The following PDCD6 variants were observed in gnomAD, a reference collection of about 807,000 sequenced individuals.
PDCD6 encodes programmed cell death 6.
In PDCD6, 12 loss-of-function variants were observed where a neutral mutation model predicts 28.3. The observed-to-expected ratio is 0.42, with a 90% CI of 0.27 to 0.69. The LOEUF is 0.69. Ranked by LOEUF, PDCD6 falls within the 30% of genes least tolerant of loss-of-function variation. The probability of loss-of-function intolerance (pLI) is 0.22; values close to 1 mark genes in which losing one functional copy is unlikely to be tolerated. For synonymous variants in PDCD6, 92 were observed against 108.0 expected, an observed-to-expected ratio of 0.85 and a Z score of 0.92; for missense variants, 226 against 269.9, an observed-to-expected ratio of 0.84 and a Z score of 1.14.
chr5:314,339 G>A (rs934101317), intron 5 of PDCD6, 78 bp from the exon 6 acceptor site: 39 of 1,007,060 alleles, frequency 3.9e-5, no homozygotes, highest in African/African-American at 3.2e-4. Flanking sequence ...CTGAAATTGG[G>A]TCCCTACATG....
chr5:271,829 C>G lies in PDCD6; in HGVS notation c.101+8C>G, dbSNP rs1737821733. On this transcript the variant is annotated splice_region_variant and intron_variant, in intron 1 of 5. Coordinates refer to ENST00000264933, the MANE Select transcript of PDCD6 (RefSeq NM_013232.4). ...GTGGAACGTTTTCCAGAGGTGCGGC[C>G]TGGCACCGCCCGGGCACCTCCCGCC... is the stretch of plus-strand genomic sequence containing the variant. 7.9e-6 allele frequency: 11 copies of G among 1,392,874 alleles called. No individual in the cohort carries two copies. The highest frequency in any genetic ancestry group is 1.0e-5 in the Non-Finnish European group (11 of 1,069,276). 86.3% of individuals were successfully genotyped at this position (1,392,874 alleles called of 1,614,324 possible).
At chr5:306,970 G>A (rs1453257357) in intron 4 of PDCD6, among the ~76,000 whole-genome samples, 1 of 152,234 alleles carries the variant, frequency 6.6e-6, no homozygotes, top group Non-Finnish European at 1.5e-5. Context: ...TCCAAAATGA[G>A]ATAAGGGCTA....
chr5:273,721 CTAA>C (rs890549636), intron 2 of PDCD6, among the ~76,000 whole-genome samples: 97 of 152,232 alleles, frequency 6.4e-4, no homozygotes, highest in African/African-American at 2.1e-3. Context: ...GCCTTACTGC[CTAA>C]TGATTTGTGA....
chr5:310,519 G>T, intron 4 of PDCD6: 1 of 152,476 alleles, frequency 6.6e-6, no homozygotes, highest in Non-Finnish European at 1.5e-5. Context: ...CGAAGGCAGT[G>T]GGATTTCGAG....
rs534282148 is a variant in PDCD6 at position 295,574 on chromosome 5, C to G, written c.164-8603C>G. Among the ~76,000 whole-genome samples the G allele has an allele frequency of 4.7e-5, 7 of 147,646 alleles. No homozygotes were observed. In the East Asian group the frequency reaches 5.8e-4, roughly 12 times the overall value. ...TGAGATGAATCTTGCAGCTGCCCTT[C>G]AAGGGGGCATGGGCCGGGTGGCCAT... is the stretch of plus-strand genomic sequence containing the variant. On this transcript the variant is annotated intron_variant, in intron 2 of 5. Transcript: ENST00000264933.
chr5:306,389 G>A (rs1013836479), intron 3 of PDCD6: 8 of 553,688 alleles, frequency 1.4e-5, no homozygotes, highest in South Asian at 8.3e-5. Context: ...GGTCAGGGCT[G>A]GGGGACAATC....
Position 271,750 on chromosome 5 carries a change from TG to T in PDCD6, c.34del (p.Ala12ProfsTer31), listed in dbSNP as rs1364622498. 3.4e-6 allele frequency: 4 copies of T among 1,180,102 alleles called. No individual in the cohort carries two copies. In the East Asian group the frequency reaches 8.6e-5, roughly 25 times the overall value. 73.1% of individuals were successfully genotyped at this position (1,180,102 alleles called of 1,614,324 possible). A position where few individuals can be genotyped will look rare whatever the true frequency, so the allele number is the denominator to read the frequency against. On this transcript the variant is annotated frameshift_variant, in exon 1 of 6. Coordinates refer to ENST00000264933, the MANE Select transcript of PDCD6 (RefSeq NM_013232.4). Reference protein sequence around the residue: MAAYSYRPGPGAGPGPAAGAA... With the variant: MAAYSYRPGPXAGPGPAAGAA... ...CCGCCTACTCTTACCGCCCCGGCCC[TG>T]GGGCCGGCCCTGGGCCTGCTGCAGG...
intron 2 of PDCD6, among the ~76,000 whole-genome samples, chr5:296,619 T>G (rs1207152348): frequency 6.6e-6 from 1 of 152,106 alleles, no homozygotes. Context: ...ATTAATTGAT[T>G]TATGTCGAGC....
chr5:296,117 CA>C (rs1292431303), intron 2 of PDCD6, among the ~76,000 whole-genome samples: 1 of 152,198 alleles, frequency 6.6e-6, no homozygotes, highest in African/African-American at 2.4e-5. Context: ...TCAAATAAGA[CA>C]AATGTCACTT....
chr5:271,844 C>T (rs746359796), intron 1 of PDCD6, 23 bp downstream of exon 1: 9 of 1,297,398 alleles, frequency 6.9e-6, no homozygotes, highest in Middle Eastern at 2.9e-4. Context: ...ACCGCCCGGG[C>T]ACCTCCCGCC....
chr5:276,860 C>T (rs796580668), intron 2 of PDCD6: 3 of 985,324 alleles, frequency 3.0e-6, no homozygotes, highest in African/African-American at 3.5e-5. Context: ...AATTACTGCT[C>T]TCAGGGAGGT....
At position 311,268 on chromosome 5, in the gene PDCD6, C is replaced by G. The variant is rs745555751; in HGVS notation, c.368-25C>G. 3 of 1,586,588 alleles carry G rather than the reference C, an allele frequency of 1.9e-6. No individual in the cohort carries two copies. The South Asian group carries it at 3.3e-5, about 18-fold the overall frequency. On this transcript the variant is annotated intron_variant, in intron 4 of 5. Transcript: ENST00000264933. ...TACCTCCCGTCTCTCCCAGCCTTCT[C>G]TGACTCTGACTTTCCCTCTTGAAGG...
chr5:306,606 G>A lies in PDCD6; in HGVS notation c.213G>A (p.Met71Ile). 1 of 1,613,598 alleles carries A rather than the reference G, an allele frequency of 6.2e-7. No homozygotes were observed. Among genetic ancestry groups the A allele is most frequent in the Non-Finnish European group, 8.5e-7 (1 of 1,179,766 alleles). The change falls in exon 4 of 6, where the codon ATG (methionine) becomes ATA (isoleucine). Residue 71 changes from methionine (M) to isoleucine (I), a missense_variant. Around this residue, in one of 3 missense-constraint regions of PDCD6, gnomAD observed 151 missense variants for 177.2 expected, o/e 0.85. Transcript: ENST00000264933. Reference sequence around the variant, plus strand: ...GACCGTTCCTCTCTGTCTCAGCCATGTTTGACCGTGAGAACAAGGCCGGCG... The same window carrying A: ...GACCGTTCCTCTCTGTCTCAGCCATATTTGACCGTGAGAACAAGGCCGGCG... ...NPVTVRSIIS[M>I]FDRENKAGVN...
Position 271,659 on chromosome 5 carries a change from G to A in PDCD6, c.-62G>A, listed in dbSNP as rs1236906745. 2.1e-6 allele frequency: 2 copies of A among 942,528 alleles called. No homozygotes were observed. The allele number at this position is 942,528 out of a possible 1,614,324, so 58.4% of individuals were successfully genotyped here. A position where few individuals can be genotyped will look rare whatever the true frequency, so the allele number is the denominator to read the frequency against. On this transcript the variant is annotated 5_prime_UTR_variant, in exon 1 of 6. Transcript: ENST00000264933. Reference sequence around the variant, plus strand: ...CCTGCCCCCGGCAGAGGCGGAAGCGGAGTCGGCCTGAGAGGTCTCTCGTCG... The same window carrying A: ...CCTGCCCCCGGCAGAGGCGGAAGCGAAGTCGGCCTGAGAGGTCTCTCGTCG...
intron 2 of PDCD6, among the ~76,000 whole-genome samples, chr5:283,747 C>T (rs1738746263): frequency 6.6e-6 from 1 of 151,252 alleles, no homozygotes. Context: ...TGGAGAGGAG[C>T]TGATGTTCTA....
intron 2 of PDCD6, among the ~76,000 whole-genome samples, chr5:292,830 T>C (rs769926334): frequency 1.3e-5 from 2 of 152,164 alleles, no homozygotes; most frequent in Non-Finnish European, 2.9e-5. Flanking sequence ...GGATCTCCCT[T>C]ATGCATTTCT....
intron 2 of PDCD6, among the ~76,000 whole-genome samples, chr5:282,834 C>CAAGCCCAG (rs1579491328): frequency 2.0e-5 from 3 of 151,638 alleles, no homozygotes; most frequent in African/African-American, 7.3e-5. Context: ...CTTGCAGCTG[C>CAAGCCCAG]AGACGTGGAG....
intron 2 of PDCD6, among the ~76,000 whole-genome samples, chr5:282,404 T>C (rs1579490336): frequency 6.7e-6 from 1 of 149,996 alleles, no homozygotes; most frequent in African/African-American, 2.5e-5. Flanking sequence ...TTTGAGCATC[T>C]TGCCAGCTGC....
intron 2 of PDCD6, among the ~76,000 whole-genome samples, chr5:283,830 C>T (rs995824383): frequency 4.7e-5 from 7 of 150,172 alleles, no homozygotes; most frequent in South Asian, 2.1e-4. Flanking sequence ...GCTGCAGACC[C>T]GGAGAGGAGC....
Sources: gnomAD v4.1 joint callset for allele counts (sites outside exome capture counted in the v4.1 genomes callset) on GRCh38, gnomAD v4.1.1 for gene constraint, gnomAD v4.1.1 regional missense constraint, MANE v1.5 for transcripts, NCBI Gene and HGNC (gene_info 2026-07-23, HGNC 2026-07-21) for gene names.